Variants in BLTP1 observed in about 807,000 individuals in gnomAD.
BLTP1 encodes bridge-like lipid transfer protein family member 1.
chr4:122,341,907 A>G, the BLTP1 span: 3 of 688,950 alleles, frequency 4.4e-6, no homozygotes, highest in Non-Finnish European at 5.4e-6. Context: ...GGACACTCCC[A>G]GGAGAGAATA....
the BLTP1 span, chr4:122,152,596 G>A: frequency 2.0e-6 from 2 of 985,668 alleles, no homozygotes; most frequent in Non-Finnish European, 2.4e-6. Context: ...TGAGGGGATG[G>A]GCCGGGCCAG....
chr4:122,293,815 C>T, the BLTP1 span, among the ~76,000 whole-genome samples: 14 of 152,348 alleles, frequency 9.2e-5, no homozygotes, highest in Admixed American at 9.1e-4. Context: ...AGGCTGGAGA[C>T]TGCCTGAGAC....
At chr4:122,250,014 T>G in the BLTP1 span, 1 of 939,856 alleles carries the variant, frequency 1.1e-6, no homozygotes, top group Non-Finnish European at 1.3e-6. Flanking sequence ...TTATGCCATA[T>G]AGGATATAAA....
the BLTP1 span, chr4:122,244,119 T>A: frequency 1.3e-3 from 1,777 of 1,325,472 alleles, 35 homozygotes; most frequent in East Asian, 0.035. Flanking sequence ...TGTAGAAGAT[T>A]GTTGATAGTT....
the BLTP1 span, chr4:122,197,331 T>A: frequency 8.2e-7 from 1 of 1,216,988 alleles, no homozygotes; most frequent in Non-Finnish European, 1.1e-6. Context: ...TTATAAATAA[T>A]AAAGTTTGTT....
chr4:122,154,534 T>A, the BLTP1 span: 2 of 954,240 alleles, frequency 2.1e-6, no homozygotes, highest in Non-Finnish European at 2.5e-6. Context: ...TTCTCTCTTT[T>A]GCTTGCTCTT....
the BLTP1 span, chr4:122,339,086 T>A: frequency 8.5e-7 from 1 of 1,181,978 alleles, no homozygotes; most frequent in Non-Finnish European, 1.2e-6. Context: ...GTGATATACT[T>A]TATTTCTTTC....
At chr4:122,329,485 G>T in the BLTP1 span, among the ~76,000 whole-genome samples, 1 of 150,378 alleles carries the variant, frequency 6.6e-6, no homozygotes, top group South Asian at 2.1e-4. Flanking sequence ...GTATTTCTTA[G>T]AATATAAATT....
the BLTP1 span, chr4:122,235,002 G>C: frequency 1.3e-6 from 2 of 1,599,232 alleles, no homozygotes; most frequent in Non-Finnish European, 1.7e-6. Context: ...AATTACTAAA[G>C]AAATTCCCAA....
the BLTP1 span, chr4:122,362,232 C>T: frequency 1.9e-5 from 30 of 1,611,868 alleles, no homozygotes; most frequent in Admixed American, 3.7e-4. Context: ...AAGGCAAAGA[C>T]AAAGAAGAAC....
At chr4:122,301,214 T>C in the BLTP1 span, 14 of 1,393,212 alleles carry the variant, frequency 1.0e-5, no homozygotes, top group Non-Finnish European at 1.2e-5. Flanking sequence ...AAAGAAAATA[T>C]TTTGTGAGGA....
chr4:122,352,965 C>T, the BLTP1 span: 1 of 1,614,020 alleles, frequency 6.2e-7, no homozygotes, highest in Non-Finnish European at 8.5e-7. Context: ...CAGGATGCCA[C>T]ATATCCTTAT....
At chr4:122,246,134 C>T in the BLTP1 span, 4 of 1,541,926 alleles carry the variant, frequency 2.6e-6, no homozygotes, top group Non-Finnish European at 8.7e-7. Context: ...GAAATAATTT[C>T]ACTTACGATC....
chr4:122,268,177 G>A, the BLTP1 span, among the ~76,000 whole-genome samples: 3 of 152,134 alleles, frequency 2.0e-5, no homozygotes, highest in Non-Finnish European at 2.9e-5. Context: ...TATTATAAAT[G>A]TATAGGGAAA....
the BLTP1 span, chr4:122,200,872 C>A: frequency 7.7e-7 from 1 of 1,306,828 alleles, no homozygotes. Flanking sequence ...ATATTAAAGT[C>A]TCAAAGGGAC....
the BLTP1 span, chr4:122,238,401 G>GT: frequency 6.7e-7 from 1 of 1,498,618 alleles, no homozygotes; most frequent in Non-Finnish European, 9.1e-7. Context: ...GATTATAATT[G>GT]TTTAAAATTC....
the BLTP1 span, chr4:122,272,555 A>T: frequency 1.6e-6 from 1 of 622,324 alleles, no homozygotes; most frequent in African/African-American, 1.8e-5. Context: ...TGAGGTACCA[A>T]GAACTTTGTT....
At chr4:122,284,237 A>G in the BLTP1 span, among the ~76,000 whole-genome samples, 1 of 152,156 alleles carries the variant, frequency 6.6e-6, no homozygotes, top group Non-Finnish European at 1.5e-5. Flanking sequence ...TTATCTATAG[A>G]CAGTCATACT....
the BLTP1 span, chr4:122,298,627 T>A: frequency 5.7e-6 from 1 of 176,376 alleles, no homozygotes; most frequent in Non-Finnish European, 6.7e-6. Context: ...GATATGTGGG[T>A]AAAAATTTTA....
Sources: gnomAD v4.1 joint callset for allele counts (sites outside exome capture counted in the v4.1 genomes callset) on GRCh38, gnomAD v4.1.1 for gene constraint, MANE v1.5 for transcripts, NCBI Gene and HGNC (gene_info 2026-07-23, HGNC 2026-07-21) for gene names.